The following KCNK2 variants were observed in gnomAD, a reference collection of about 807,000 sequenced individuals.
KCNK2 encodes the protein potassium channel subfamily K member 2.
Under a neutral mutation model 40.5 loss-of-function variants are expected in KCNK2, and 21 were observed. That is an observed-to-expected ratio of 0.52 (90% CI 0.37 to 0.75). KCNK2 has a LOEUF of 0.75. Ranked by LOEUF, KCNK2 falls within the 30% of genes least tolerant of loss-of-function variation. KCNK2 has a pLI of 0.00. For missense variants in KCNK2, 399 were observed against 531.6 expected, an observed-to-expected ratio of 0.75 and a Z score of 2.45; for synonymous variants, 191 against 202.2, an observed-to-expected ratio of 0.94 and a Z score of 0.47.
intron 2 of KCNK2, among the ~76,000 whole-genome samples, chr1:215,087,011 GA>G (rs1659475694): frequency 6.6e-6 from 1 of 152,178 alleles, no homozygotes; most frequent in Admixed American, 6.5e-5. Flanking sequence ...AGTGCCAGTG[GA>G]CATCCATGGG....
chr1:215,079,162 A>G (rs1212871242), upstream of KCNK2, among the ~76,000 whole-genome samples: 1 of 152,226 alleles, frequency 6.6e-6, no homozygotes. Context: ...AGAGGTGTTG[A>G]GTAGTCCTGC....
chr1:215,006,536 T>G (rs1293716786), intron 1 of KCNK2, among the ~76,000 whole-genome samples: 3 of 152,164 alleles, frequency 2.0e-5, no homozygotes, highest in African/African-American at 7.2e-5. Flanking sequence ...CAAGTAGTTT[T>G]ATTTGAAATT....
chr1:215,132,119 A>G (rs1414056626), intron 3 of KCNK2, among the ~76,000 whole-genome samples: 1 of 152,260 alleles, frequency 6.6e-6, no homozygotes, highest in Admixed American at 6.5e-5. Context: ...AGTATACTGA[A>G]CACCGCAAAG....
chr1:215,077,142 G>A (rs994279229), intron 1 of KCNK2, among the ~76,000 whole-genome samples: 4 of 152,152 alleles, frequency 2.6e-5, no homozygotes, highest in Non-Finnish European at 4.4e-5. Context: ...GAGAAGCTGA[G>A]AAATTCTGAC....
At chr1:215,206,422 A>C (rs187001119) in intron 6 of KCNK2, among the ~76,000 whole-genome samples, 1 of 152,326 alleles carries the variant, frequency 6.6e-6, no homozygotes, top group Admixed American at 6.5e-5. Flanking sequence ...CTAAGGAAAT[A>C]TATTTGAAAC....
At chr1:215,028,464 T>C (rs556107527) in intron 1 of KCNK2, among the ~76,000 whole-genome samples, 34 of 152,174 alleles carry the variant, frequency 2.2e-4, no homozygotes, top group Non-Finnish European at 4.3e-4. Context: ...ATTTTATTAT[T>C]ATATTTTACA....
At chr1:215,059,029 ATG>A (rs965003980) in intron 1 of KCNK2, among the ~76,000 whole-genome samples, 126 of 151,050 alleles carry the variant, frequency 8.3e-4, no homozygotes, top group Non-Finnish European at 1.1e-3. Flanking sequence ...GTATGTATGT[ATG>A]TGTGTGTGTA....
chr1:215,192,626 A>G (rs17024391), intron 5 of KCNK2, among the ~76,000 whole-genome samples: 6,288 of 152,300 alleles, frequency 0.041, 416 homozygotes, highest in African/African-American at 0.14. Flanking sequence ...AAATGGAAAC[A>G]TTTGAAAAAA....
chr1:215,050,609 A>G (rs1657954054), intron 1 of KCNK2, among the ~76,000 whole-genome samples: 1 of 152,234 alleles, frequency 6.6e-6, no homozygotes, highest in East Asian at 1.9e-4. Flanking sequence ...TAGTGATTCA[A>G]GCCACTGAAA....
intron 1 of KCNK2, among the ~76,000 whole-genome samples, chr1:215,024,255 C>A (rs2802644): frequency 0.44 from 66,810 of 152,020 alleles, 16,364 homozygotes; most frequent in Non-Finnish European, 0.55. Context: ...ATAAAACAAT[C>A]TTTGAATGGG....
chr1:215,144,711 A>C (rs1248475963), intron 3 of KCNK2, among the ~76,000 whole-genome samples: 1 of 152,158 alleles, frequency 6.6e-6, no homozygotes, highest in African/African-American at 2.4e-5. Flanking sequence ...TTGCTTAAAA[A>C]ATTCAGAGGC....
intron 2 of KCNK2, among the ~76,000 whole-genome samples, chr1:215,088,389 C>A (rs1659548046): frequency 6.6e-6 from 1 of 152,094 alleles, no homozygotes; most frequent in East Asian, 1.9e-4. Flanking sequence ...GAAAGAGTAT[C>A]TATCAAGTAG....
chr1:215,048,443 A>G (rs993786982), intron 1 of KCNK2, among the ~76,000 whole-genome samples: 5 of 152,330 alleles, frequency 3.3e-5, no homozygotes, highest in Middle Eastern at 3.4e-3. Context: ...CAAAATCTTC[A>G]GAGCCTTTGT....
chr1:215,166,743 C>A (rs1156512148), intron 3 of KCNK2, among the ~76,000 whole-genome samples: 2 of 152,018 alleles, frequency 1.3e-5, no homozygotes, highest in Non-Finnish European at 2.9e-5. Context: ...TCATGGTTCC[C>A]ACTAAGGCTA....
intron 3 of KCNK2, among the ~76,000 whole-genome samples, chr1:215,162,027 A>G (rs1663221556): frequency 6.6e-6 from 1 of 152,126 alleles, no homozygotes; most frequent in African/African-American, 2.4e-5. Flanking sequence ...GGTTGAACTA[A>G]TTTACAGTAC....
chr1:215,007,193 A>ATGTATG (rs1558054274), intron 1 of KCNK2, among the ~76,000 whole-genome samples: 2 of 38,582 alleles, frequency 5.2e-5, no homozygotes, highest in African/African-American at 1.1e-4. Flanking sequence ...GGGTATATAT[A>ATGTATG]TATATATATA....
Position 215,083,141 on chromosome 1 carries a change from C to T in KCNK2, c.-245C>T, listed in dbSNP as rs2102525736. The stretch of plus-strand genomic sequence containing the variant: ...CCCAACTTGGCCTCCGCCTCGCCCT[C>T]TGCCCAGCCCGCCGGTGTCCCCTCC... On this transcript the variant is annotated 5_prime_UTR_variant, in exon 1 of 7. Transcript: ENST00000444842. 1.2e-6 allele frequency: 1 copy of T among 826,068 alleles called. No individual in the cohort carries two copies. The highest frequency in any genetic ancestry group is 1.9e-6 in the Non-Finnish European group (1 of 522,102). The allele number at this position is 826,068 out of a possible 1,614,324, so 51.2% of individuals were successfully genotyped here.
At chr1:215,119,245 C>T (rs1661077170) in intron 2 of KCNK2, among the ~76,000 whole-genome samples, 1 of 152,058 alleles carries the variant, frequency 6.6e-6, no homozygotes, top group Admixed American at 6.6e-5. Flanking sequence ...TGTACTAGTC[C>T]CATATACTTA....
At chr1:215,113,715 C>A (rs531454883) in intron 2 of KCNK2, among the ~76,000 whole-genome samples, 6 of 152,310 alleles carry the variant, frequency 3.9e-5, no homozygotes, top group East Asian at 1.9e-4. Flanking sequence ...TATGCCTCAG[C>A]CTCCTTATTA....
Sources: allele counts gnomAD v4.1 joint callset (sites outside exome capture counted in the v4.1 genomes callset), GRCh38; gene constraint gnomAD v4.1.1; transcripts MANE v1.5; gene names NCBI Gene and HGNC (gene_info 2026-07-23, HGNC 2026-07-21).